The following NRG1 variants were observed in gnomAD, a reference collection of about 807,000 sequenced individuals.
The protein encoded by NRG1 is pro-neuregulin-1, membrane-bound isoform.
A neutral mutation model predicts 63.8 loss-of-function variants in NRG1; 18 were observed. The ratio of observed to expected loss-of-function variants is 0.28; its 90% CI spans 0.19 to 0.42. NRG1 has a LOEUF of 0.42. Ranked by LOEUF, NRG1 falls within the 10% of genes least tolerant of loss-of-function variation. NRG1 has a pLI of 1.00. For synonymous variants in NRG1, 302 were observed against 301.3 expected, an observed-to-expected ratio of 1.00 and a Z score of -0.02; for missense variants, 762 against 814.7, an observed-to-expected ratio of 0.94 and a Z score of 0.79.
chr8:31,771,961 T>C (rs1818667064), intron 1 of NRG1, among the ~76,000 whole-genome samples: 1 of 152,230 alleles, frequency 6.6e-6, no homozygotes, highest in Non-Finnish European at 1.5e-5. Context: ...GCTTTTCTAG[T>C]GATACTTACT....
chr8:31,677,812 T>C lies in NRG1; in HGVS notation c.37+38381T>C, dbSNP rs1807881864. On this transcript the variant is annotated intron_variant, in intron 1 of 10. Transcript: ENST00000519301. ...CCTGGTGATTTATTTTACTTTTATT[T>C]GTCAGTTAGGCCTAGTACATCCCTT... Among the ~76,000 whole-genome samples, 4 of 152,184 alleles carry C rather than the reference T, an allele frequency of 2.6e-5. No individual in the cohort carries two copies. In the South Asian group the frequency reaches 8.3e-4, roughly 31 times the overall value.
At chr8:31,731,640 A>G (rs1814080267) in intron 1 of NRG1, among the ~76,000 whole-genome samples, 1 of 152,194 alleles carries the variant, frequency 6.6e-6, no homozygotes, top group Non-Finnish European at 1.5e-5. Context: ...AAATATTTAA[A>G]CAGAACATAA....
At chr8:32,045,915 ATATATG>A (rs1820921428) in intron 1 of NRG1, among the ~76,000 whole-genome samples, 1 of 152,022 alleles carries the variant, frequency 6.6e-6, no homozygotes, top group Admixed American at 6.6e-5. Context: ...TAAGAAGAAA[ATATATG>A]TATATATTTG....
intron 5 of NRG1, among the ~76,000 whole-genome samples, chr8:32,716,063 T>G (rs1271834359): frequency 6.6e-6 from 1 of 152,182 alleles, no homozygotes; most frequent in East Asian, 1.9e-4. Context: ...GCCTGTCATC[T>G]GTGAACTCTT....
At chr8:31,898,305 A>G (rs1277764920) in intron 1 of NRG1, among the ~76,000 whole-genome samples, 1 of 152,152 alleles carries the variant, frequency 6.6e-6, no homozygotes, top group Non-Finnish European at 1.5e-5. Flanking sequence ...GACAACTAAT[A>G]CATATATATT....
chr8:32,065,429 C>G (rs1824610387), intron 1 of NRG1, among the ~76,000 whole-genome samples: 1 of 152,056 alleles, frequency 6.6e-6, no homozygotes, highest in South Asian at 2.1e-4. Context: ...GTTCAATTCC[C>G]ACCTATGAGT....
chr8:32,190,173 GTATTATTATTAT>G (rs376743930), intron 1 of NRG1, among the ~76,000 whole-genome samples: 4 of 150,114 alleles, frequency 2.7e-5, no homozygotes, highest in African/African-American at 4.9e-5. Flanking sequence ...TTATCAAAAT[GTATTATTATTAT>G]TATTATTATT....
chr8:32,755,982 T>C (rs1461486294), intron 8 of NRG1, among the ~76,000 whole-genome samples: 1 of 152,138 alleles, frequency 6.6e-6, no homozygotes, highest in Non-Finnish European at 1.5e-5. Flanking sequence ...ACTCAATTAA[T>C]TCTCTTGCCT....
intron 1 of NRG1, among the ~76,000 whole-genome samples, chr8:32,151,104 G>A (rs1416824220): frequency 6.6e-6 from 1 of 152,094 alleles, no homozygotes; most frequent in Non-Finnish European, 1.5e-5. Flanking sequence ...TCAATATGAG[G>A]TAAGACAGCT....
At chr8:32,378,580 ACTT>A (rs2129483195) in intron 1 of NRG1, among the ~76,000 whole-genome samples, 1 of 152,292 alleles carries the variant, frequency 6.6e-6, no homozygotes, top group East Asian at 1.9e-4. Context: ...TTCTTGGAGT[ACTT>A]AAGTGCAAAT....
chr8:32,058,822 C>T (rs1293825386), intron 1 of NRG1, among the ~76,000 whole-genome samples: 3 of 151,882 alleles, frequency 2.0e-5, no homozygotes, highest in Non-Finnish European at 4.4e-5. Flanking sequence ...CTCTTTATTC[C>T]CCACGAGATG....
intron 11 of NRG1, chr8:32,760,813 G>C: frequency 9.8e-7 from 1 of 1,018,162 alleles, no homozygotes; most frequent in Non-Finnish European, 1.2e-6. Context: ...TTCGGTGGTC[G>C]AGCTGGCCTC....
intron 1 of NRG1, among the ~76,000 whole-genome samples, chr8:32,337,636 A>T (rs1803442443): frequency 7.4e-6 from 1 of 134,536 alleles, no homozygotes; most frequent in Admixed American, 7.9e-5. Flanking sequence ...TGGCTGAAGG[A>T]ACAAAAAGAG....
intron 1 of NRG1, among the ~76,000 whole-genome samples, chr8:31,757,453 C>T (rs1817087466): frequency 2.0e-5 from 3 of 152,102 alleles, no homozygotes; most frequent in Admixed American, 2.0e-4. Flanking sequence ...TTACATTTCA[C>T]TGTGCTACAT....
intron 1 of NRG1, among the ~76,000 whole-genome samples, chr8:32,090,957 C>A (rs779665145): frequency 9.2e-5 from 14 of 152,118 alleles, no homozygotes; most frequent in Non-Finnish European, 2.1e-4. Flanking sequence ...AAAGATCAGG[C>A]AGTTCACTTC....
chr8:32,055,430 G>A (rs1384655851), intron 1 of NRG1, among the ~76,000 whole-genome samples: 1 of 152,030 alleles, frequency 6.6e-6, no homozygotes, highest in Admixed American at 6.6e-5. Flanking sequence ...TTTATTATAT[G>A]CTTATGGGCC....
At chr8:31,889,765 T>A (rs13281301) in intron 1 of NRG1, among the ~76,000 whole-genome samples, 1 of 152,136 alleles carries the variant, frequency 6.6e-6, no homozygotes, top group Non-Finnish European at 1.5e-5. Context: ...CCTCCAAGTG[T>A]GTGGGCTGGC....
At chr8:32,708,331 A>G (rs2128976173) in intron 5 of NRG1, among the ~76,000 whole-genome samples, 1 of 152,336 alleles carries the variant, frequency 6.6e-6, no homozygotes, top group Non-Finnish European at 1.5e-5. Flanking sequence ...GTCAAAGGTC[A>G]TTTAGAGCTA....
Position 32,074,977 on chromosome 8 carries a change from A to G in NRG1, c.37+435546A>G, listed in dbSNP as rs571692076. Among the ~76,000 whole-genome samples, 722 of 152,348 alleles carry G rather than the reference A, an allele frequency of 4.7e-3. 3 individuals carry two copies. Among genetic ancestry groups the G allele is most frequent in the Middle Eastern group, 0.01 (3 of 294 alleles). On this transcript the variant is annotated intron_variant, in intron 1 of 10. Coordinates refer to the NRG1 transcript ENST00000519301. ...CCTGAGTTCATATCTCAAATAGGCT[A>G]CTTTTTTGTGGTGTGCCTTTAGGCA...
Sources: allele counts gnomAD v4.1 joint callset (sites outside exome capture counted in the v4.1 genomes callset), GRCh38; gene constraint gnomAD v4.1.1; transcripts MANE v1.5; gene names NCBI Gene and HGNC (gene_info 2026-07-23, HGNC 2026-07-21).